The following PDIA3 variants were observed in gnomAD, a reference collection of about 807,000 sequenced individuals.
PDIA3 encodes protein disulfide-isomerase A3.
Under a neutral mutation model 56.9 loss-of-function variants are expected in PDIA3, and 16 were observed. That is an observed-to-expected ratio of 0.28 (90% CI 0.19 to 0.43). The LOEUF (loss-of-function observed/expected upper bound fraction) is 0.43, where lower values mean the gene tolerates loss of function less well. Among genes scored for constraint, PDIA3 ranks in the 20% least tolerant of loss-of-function variants. The pLI is 1.00. For missense variants in PDIA3, 485 were observed against 621.3 expected, an observed-to-expected ratio of 0.78 and a Z score of 2.33; for synonymous variants, 192 against 216.5, an observed-to-expected ratio of 0.89 and a Z score of 0.99.
Position 43,746,653 on chromosome 15 carries a change from C to A in PDIA3, c.114C>A (p.Arg38=), listed in dbSNP as rs2086707416. ...LELTDDNFES[R]ISDTGSAGLM... ...TCACGGACGACAACTTCGAGAGTCGCATCTCCGACACGGGCTCTGCGGGCC... is the reference window on the plus strand; with the variant it reads ...TCACGGACGACAACTTCGAGAGTCGAATCTCCGACACGGGCTCTGCGGGCC... The change falls in exon 1 of 13, where the codon CGC becomes CGA. Residue 38 remains arginine, a synonymous_variant. Coordinates refer to ENST00000300289, the MANE Select transcript of PDIA3 (RefSeq NM_005313.5). 7 of 1,612,852 alleles carry A rather than the reference C, an allele frequency of 4.3e-6. No individual in the cohort carries two copies. Among genetic ancestry groups the A allele is most frequent in the Non-Finnish European group, 5.9e-6 (7 of 1,179,892 alleles).
chr15:43,753,834 T>C lies in PDIA3; in HGVS notation c.178T>C (p.Cys60Arg). Residue 60 changes from cysteine (C) to arginine (R), a missense_variant, in exon 2 of 13, where the codon TGC becomes CGC. Transcript: ENST00000300289. ...TTAATACGTATATAGGTGTGGACACTGCAAGAGACTTGCACCTGAGTATGA... is the reference window on the plus strand; with the variant it reads ...TTAATACGTATATAGGTGTGGACACCGCAAGAGACTTGCACCTGAGTATGA... ...VEFFAPWCGH[C>R]KRLAPEYEAA... is the part of the protein sequence containing the mutation. 6.2e-7 allele frequency: 1 copy of C among 1,612,754 alleles called. No homozygotes were observed. The highest frequency in any genetic ancestry group is 8.5e-7 in the Non-Finnish European group (1 of 1,178,782).
rs761752410 is a variant in PDIA3 at position 43,751,681 on chromosome 15, G to A, written c.168-2143G>A. 4.6e-6 allele frequency: 6 copies of A among 1,303,934 alleles called. No homozygotes were observed. In the South Asian group the frequency reaches 6.2e-5, roughly 13 times the overall value. The allele number at this position is 1,303,934 out of a possible 1,614,324, so 80.8% of individuals were successfully genotyped here. On this transcript the variant is annotated intron_variant, in intron 1 of 12. Transcript: ENST00000300289. Reference sequence around the variant, plus strand: ...CCTTATGGATATTGCCAAAGTTTAAGGCAGTGGATTTTAGTCCCAGCCTTG... The same window carrying A: ...CCTTATGGATATTGCCAAAGTTTAAAGCAGTGGATTTTAGTCCCAGCCTTG...
rs1207423579 is a variant in PDIA3, at chr15:43,771,257, A to G, written c.*39A>G. ...CACCACTTTGTAAAAGGACTCTTCCATCAGAGATGGGAAAACCATTGGGGA... is the reference window on the plus strand; with the variant it reads ...CACCACTTTGTAAAAGGACTCTTCCGTCAGAGATGGGAAAACCATTGGGGA... On this transcript the variant is annotated 3_prime_UTR_variant, in exon 13 of 13. Coordinates refer to ENST00000300289, the MANE Select transcript of PDIA3 (RefSeq NM_005313.5). 5 of 1,329,908 alleles carry G rather than the reference A, an allele frequency of 3.8e-6. No homozygotes were observed. The highest frequency in any genetic ancestry group is 5.4e-6 in the Non-Finnish European group (5 of 930,036). The allele number at this position is 1,329,908 out of a possible 1,614,324, so 82.4% of individuals were successfully genotyped here.
At chr15:43,767,085 C>T (rs931042056) in intron 8 of PDIA3, among the ~76,000 whole-genome samples, 175 bp downstream of exon 8, 3 of 152,240 alleles carry the variant, frequency 2.0e-5, no homozygotes, top group African/African-American at 7.2e-5. Flanking sequence ...CGTGGTGGCT[C>T]ACGCCTGTAA....
chr15:43,756,706 A>G lies in PDIA3; in HGVS notation c.304A>G (p.Thr102Ala). The change falls in exon 3 of 13, where the codon ACC (threonine) becomes GCC (alanine). Residue 102 changes from threonine (T) to alanine (A), a missense_variant. Thr to Ala is a moderately conservative substitution (Grantham distance 58). Coordinates refer to ENST00000300289, the MANE Select transcript of PDIA3 (RefSeq NM_005313.5). ...CNKYGVSGYP[T>A]LKIFRDGEEA... ...TAAATATGGAGTCAGTGGATATCCA[A>G]CCCTGAAGATATTTAGAGATGGTGA... is the stretch of plus-strand genomic sequence containing the variant. 1 of 1,610,890 alleles carries G rather than the reference A, an allele frequency of 6.2e-7. No individual in the cohort carries two copies.
At position 43,756,737 on chromosome 15, in the gene PDIA3, C is replaced by T; in HGVS notation, c.335C>T (p.Ala112Val). 6.2e-7 allele frequency: 1 copy of T among 1,604,370 alleles called. No individual in the cohort carries two copies. The highest frequency in any genetic ancestry group is 8.5e-7 in the Non-Finnish European group (1 of 1,172,774). The change falls in exon 3 of 13, where the codon GCA becomes GTA. Residue 112 changes from alanine (A) to valine (V), a missense_variant. Ala to Val is a moderately conservative substitution (Grantham distance 64, BLOSUM62 0). Coordinates refer to ENST00000300289, the MANE Select transcript of PDIA3 (RefSeq NM_005313.5). The part of the protein sequence containing the change: ...TLKIFRDGEE[A>V]GAYDGPRTAD... ...AAGATATTTAGAGATGGTGAAGAAG[C>T]AGGTGCTTATGATGGACCTAGGACT... is the stretch of plus-strand genomic sequence containing the variant.
At chr15:43,761,924 T>G (rs1256307224) in intron 4 of PDIA3, among the ~76,000 whole-genome samples, 1 of 152,084 alleles carries the variant, frequency 6.6e-6, no homozygotes, top group Non-Finnish European at 1.5e-5. Flanking sequence ...TGACTGAAAA[T>G]AAGGTTTTAA....
chr15:43,762,497 G>C (rs1332377222), intron 4 of PDIA3, among the ~76,000 whole-genome samples: 17 of 141,966 alleles, frequency 1.2e-4, no homozygotes, highest in Non-Finnish European at 1.7e-4. Flanking sequence ...GGCAACAAGA[G>C]CAAAACTCTG....
At chr15:43,755,482 G>T (rs1010125947) in intron 2 of PDIA3, among the ~76,000 whole-genome samples, 1 of 152,194 alleles carries the variant, frequency 6.6e-6, no homozygotes, top group Non-Finnish European at 1.5e-5. Context: ...TTAAAGTAAT[G>T]CTTCCAGAAT....
At chr15:43,753,663 T>G (rs1057336497) in intron 1 of PDIA3, among the ~76,000 whole-genome samples, 161 bp from the exon 2 acceptor site, 1 of 152,252 alleles carries the variant, frequency 6.6e-6, no homozygotes, top group Non-Finnish European at 1.5e-5. Context: ...AGTTCTGGTT[T>G]ACTTTAACAA....
At chr15:43,766,697 T>A in intron 7 of PDIA3, 31 bp from the exon 8 acceptor site, 3 of 1,603,322 alleles carry the variant, frequency 1.9e-6, no homozygotes, top group Non-Finnish European at 1.7e-6. Flanking sequence ...CCCTGTATAG[T>A]CTTGGCACAA....
In PDIA3 at chr15:43,753,861, G is replaced by T; in HGVS notation, c.205G>T (p.Ala69Ser). Reference protein sequence around the residue: ...HCKRLAPEYEAAATRLKGIVP... With the variant: ...HCKRLAPEYESAATRLKGIVP... ...CAAGAGACTTGCACCTGAGTATGAA[G>T]CTGCAGCTACCAGATTAAAAGGAAT... Residue 69 changes from alanine to serine, a missense_variant, in exon 2 of 13, where the codon GCT (alanine) becomes TCT (serine). Coordinates refer to ENST00000300289, the MANE Select transcript of PDIA3 (RefSeq NM_005313.5). The T allele has an allele frequency of 6.2e-7, 1 of 1,613,800 alleles. No homozygotes were observed. The highest frequency in any genetic ancestry group is 8.5e-7 in the Non-Finnish European group (1 of 1,179,708).
chr15:43,756,513 C>T (rs2086779349), intron 2 of PDIA3, 136 bp from the exon 3 acceptor site: 3 of 641,254 alleles, frequency 4.7e-6, no homozygotes, highest in South Asian at 3.7e-5. Flanking sequence ...CCTTTAAAAT[C>T]TAATGTTCTG....
chr15:43,750,702 G>C (rs2086738013), intron 1 of PDIA3, among the ~76,000 whole-genome samples: 1 of 151,622 alleles, frequency 6.6e-6, no homozygotes, highest in Admixed American at 6.6e-5. Flanking sequence ...GTGAACCCAG[G>C]AGGTGGAGCT....
At chr15:43,751,155 A>G (rs1269559103) in intron 1 of PDIA3, among the ~76,000 whole-genome samples, 1 of 149,566 alleles carries the variant, frequency 6.7e-6, no homozygotes, top group Non-Finnish European at 1.5e-5. Context: ...AAAATAATAT[A>G]TGTGCTAATT....
In PDIA3 at chr15:43,768,553, C is replaced by A; in HGVS notation, c.1093C>A (p.Leu365Met). The change falls in exon 9 of 13, where the codon CTG becomes ATG. Residue 365 changes from leucine (L) to methionine (M), a missense_variant. Coordinates refer to ENST00000300289, the MANE Select transcript of PDIA3 (RefSeq NM_005313.5). ...CTTTGATGGCAATCTGAAGAGATAC[C>A]TGAAGTCTGAACCTATCCCAGAGAG... ...DYFDGNLKRY[L>M]KSEPIPESND... 1 of 1,613,766 alleles carries A rather than the reference C, an allele frequency of 6.2e-7. No homozygotes were observed. The highest frequency in any genetic ancestry group is 8.5e-7 in the Non-Finnish European group (1 of 1,179,722).
chr15:43,768,152 T>G (rs1202055181), intron 8 of PDIA3, among the ~76,000 whole-genome samples: 1 of 152,052 alleles, frequency 6.6e-6, no homozygotes, highest in Non-Finnish European at 1.5e-5. Flanking sequence ...TTTGGGAGAT[T>G]GAGACAAGAG....
chr15:43,759,117 C>T (rs1229442202), intron 3 of PDIA3, among the ~76,000 whole-genome samples: 4 of 152,044 alleles, frequency 2.6e-5, no homozygotes, highest in East Asian at 3.9e-4. Flanking sequence ...ATTGAAACCC[C>T]GTCTCTACTA....
chr15:43,762,706 A>C (rs2086824569), intron 4 of PDIA3, among the ~76,000 whole-genome samples: 1 of 152,184 alleles, frequency 6.6e-6, no homozygotes, highest in Non-Finnish European at 1.5e-5. Context: ...ATAGAGAAGG[A>C]AAAAAATTGG....
Sources: allele counts gnomAD v4.1 joint callset (sites outside exome capture counted in the v4.1 genomes callset), GRCh38; gene constraint gnomAD v4.1.1; transcripts MANE v1.5; gene names NCBI Gene and HGNC (gene_info 2026-07-23, HGNC 2026-07-21).